The following GRID2 variants were observed in gnomAD, a reference collection of about 807,000 sequenced individuals.
The protein encoded by GRID2 is glutamate ionotropic receptor delta type subunit 2, also known as glutamate receptor ionotropic, delta-2.
A neutral mutation model predicts 114.8 loss-of-function variants in GRID2; 33 were observed. The observed-to-expected ratio is 0.29, with a 90% confidence interval of 0.22 to 0.38. The LOEUF (loss-of-function observed/expected upper bound fraction) is 0.38, where lower values mean the gene tolerates loss of function less well. Among genes scored for constraint, GRID2 ranks in the 10% least tolerant of loss-of-function variants. The probability of loss-of-function intolerance (pLI) is 1.00; values close to 1 mark genes in which losing one functional copy is unlikely to be tolerated. For missense variants in GRID2, 1,184 were observed against 1,257.7 expected (o/e 0.94, Z 0.89); for synonymous variants, 505 against 449.9 (o/e 1.12, Z -1.55).
At chr4:92,980,086 C>T (rs574734984) in intron 2 of GRID2, among the ~76,000 whole-genome samples, 65 of 152,092 alleles carry the variant, frequency 4.3e-4, no homozygotes, top group African/African-American at 1.5e-3. Context: ...AATGTGTGGA[C>T]TTTAATATAA....
At chr4:92,970,974 C>A (rs988880110) in intron 2 of GRID2, among the ~76,000 whole-genome samples, 3 of 150,652 alleles carry the variant, frequency 2.0e-5, no homozygotes, top group African/African-American at 4.9e-5. Context: ...ATACATCGTG[C>A]GTGTATGTGT....
At chr4:93,590,428 A>T (rs1198270429) in intron 13 of GRID2, among the ~76,000 whole-genome samples, 3 of 148,688 alleles carry the variant, frequency 2.0e-5, no homozygotes, top group African/African-American at 7.4e-5. Flanking sequence ...CTGTTTTGGT[A>T]TCAGTACCAT....
At chr4:93,302,760 C>A (rs1157022550) in intron 8 of GRID2, 2 of 350,830 alleles carry the variant, frequency 5.7e-6, no homozygotes, top group Non-Finnish European at 1.1e-5. Flanking sequence ...ACAATATATC[C>A]AACTACACAG....
intron 2 of GRID2, among the ~76,000 whole-genome samples, chr4:93,053,546 A>G (rs1726924922): frequency 6.6e-6 from 1 of 152,074 alleles, no homozygotes; most frequent in African/African-American, 2.4e-5. Context: ...TGAAGGGAAT[A>G]AATGAAGACT....
intron 13 of GRID2, among the ~76,000 whole-genome samples, chr4:93,621,187 C>T (rs1742188368): frequency 6.6e-6 from 1 of 152,054 alleles, no homozygotes; most frequent in African/African-American, 2.4e-5. Flanking sequence ...AAACCTAGCT[C>T]CTAGTGTTAT....
At chr4:93,766,905 C>G (rs1733720678) in intron 14 of GRID2, among the ~76,000 whole-genome samples, 1 of 152,126 alleles carries the variant, frequency 6.6e-6, no homozygotes, top group South Asian at 2.1e-4. Flanking sequence ...TTTTCAAGAA[C>G]TTTTCCCTCT....
intron 8 of GRID2, among the ~76,000 whole-genome samples, chr4:93,371,471 C>T (rs1017367998): frequency 6.6e-6 from 1 of 151,262 alleles, no homozygotes; most frequent in Non-Finnish European, 1.5e-5. Flanking sequence ...AGAGTGAAGC[C>T]TTTTACTCAA....
intron 1 of GRID2, among the ~76,000 whole-genome samples, chr4:92,530,140 G>A (rs1379352176): frequency 6.6e-6 from 1 of 151,786 alleles, no homozygotes; most frequent in Non-Finnish European, 1.5e-5. Context: ...CTTGTTTAGA[G>A]ATGATATCCA....
At chr4:92,537,500 T>C (rs193251793) in intron 1 of GRID2, among the ~76,000 whole-genome samples, 9 of 152,324 alleles carry the variant, frequency 5.9e-5, no homozygotes, top group Admixed American at 1.3e-4. Context: ...GTTGTTTTAA[T>C]TGGCACTTTT....
chr4:93,591,146 G>A (rs572475456), intron 13 of GRID2, among the ~76,000 whole-genome samples: 28,687 of 141,692 alleles, frequency 0.2, 3,183 homozygotes, highest in Middle Eastern at 0.34. Flanking sequence ...TTTTCAAAGG[G>A]AATGCTTCCA....
chr4:93,390,631 A>T (rs1198433048), intron 8 of GRID2, among the ~76,000 whole-genome samples: 1 of 152,132 alleles, frequency 6.6e-6, no homozygotes, highest in Non-Finnish European at 1.5e-5. Flanking sequence ...ATTGCCTCTA[A>T]ATGTAGTGTA....
At chr4:92,904,537 T>C (rs1322255060) in intron 2 of GRID2, among the ~76,000 whole-genome samples, 3 of 151,774 alleles carry the variant, frequency 2.0e-5, no homozygotes, top group African/African-American at 7.3e-5. Flanking sequence ...ATGAAGCCCA[T>C]AGGGTGACTG....
chr4:93,087,567 C>A (rs563971570), intron 3 of GRID2, among the ~76,000 whole-genome samples: 1 of 152,010 alleles, frequency 6.6e-6, no homozygotes, highest in African/African-American at 2.4e-5. Context: ...ATTTCTTATT[C>A]TTTTCTCCTG....
intron 5 of GRID2, 145 bp downstream of exon 5, chr4:93,207,602 A>G (rs1200731949): frequency 3.4e-6 from 2 of 594,302 alleles, no homozygotes; most frequent in Admixed American, 3.3e-5. Context: ...TTTAACAAAG[A>G]TAGAATGAAG....
chr4:93,583,815 T>C (rs547990701), intron 13 of GRID2, among the ~76,000 whole-genome samples: 2 of 152,280 alleles, frequency 1.3e-5, no homozygotes, highest in East Asian at 1.9e-4. Context: ...ACACTAGCAA[T>C]TGACAACTAA....
chr4:93,011,691 G>A (rs1304804725), intron 2 of GRID2, among the ~76,000 whole-genome samples: 1 of 152,062 alleles, frequency 6.6e-6, no homozygotes, highest in Admixed American at 6.6e-5. Context: ...GCATCACATC[G>A]AGATGTATCA....
At position 93,534,846 on chromosome 4, in the gene GRID2, CT is replaced by C. The variant is rs35860438; in HGVS notation, c.2193+19450del. On this transcript the variant is annotated intron_variant, in intron 13 of 15. Transcript: ENST00000282020. Reference sequence around the variant, plus strand: ...ACACACCCATCACCTCACATGGTTACTTTTTTTTTTTTTTTGGTAAGAACAC... The same window carrying C: ...ACACACCCATCACCTCACATGGTTACTTTTTTTTTTTTTTGGTAAGAACAC... Among the ~76,000 whole-genome samples, 273 of 138,210 alleles carry C rather than the reference CT, an allele frequency of 2.0e-3. 2 individuals are homozygous for C. The highest frequency in any genetic ancestry group is 0.017 in the South Asian group (74 of 4,386). 90.7% of individuals were successfully genotyped at this position (138,210 alleles called of 152,430 possible).
chr4:93,356,017 T>C (rs796386256), intron 8 of GRID2, among the ~76,000 whole-genome samples: 1 of 152,224 alleles, frequency 6.6e-6, no homozygotes, highest in African/African-American at 2.4e-5. Context: ...TGAGCTTCTT[T>C]CTAATTTATT....
chr4:93,578,028 G>A (rs1329152309), intron 13 of GRID2, among the ~76,000 whole-genome samples: 1 of 152,170 alleles, frequency 6.6e-6, no homozygotes, highest in East Asian at 1.9e-4. Flanking sequence ...CTCTGGATGT[G>A]TGTGCAGCAG....
Sources: gnomAD v4.1 joint callset for allele counts (sites outside exome capture counted in the v4.1 genomes callset) on GRCh38, gnomAD v4.1.1 for gene constraint, MANE v1.5 for transcripts, NCBI Gene and HGNC (gene_info 2026-07-23, HGNC 2026-07-21) for gene names.